SEMA3E: variants seen among roughly 807,000 people sequenced by gnomAD.
SEMA3E encodes the protein semaphorin-3E.
In SEMA3E, 49 loss-of-function variants were observed where a neutral mutation model predicts 93.6. The observed-to-expected ratio is 0.52, with a 90% CI of 0.42 to 0.66. The LOEUF is 0.66. Among genes scored for constraint, SEMA3E ranks in the 30% least tolerant of loss-of-function variants. The pLI is 0.00. For synonymous variants in SEMA3E, 363 were observed against 330.7 expected, an observed-to-expected ratio of 1.10 and a Z score of -1.06; for missense variants, 906 against 964.8, an observed-to-expected ratio of 0.94 and a Z score of 0.81.
intron 1 of SEMA3E, among the ~76,000 whole-genome samples, chr7:83,608,518 T>C (rs529323940): frequency 6.6e-6 from 1 of 152,266 alleles, no homozygotes; most frequent in African/African-American, 2.4e-5. Flanking sequence ...ATAGTACATA[T>C]ATAATTCTGA....
chr7:83,505,033 G>T (rs999670670), intron 1 of SEMA3E, among the ~76,000 whole-genome samples: 2 of 152,074 alleles, frequency 1.3e-5, no homozygotes, highest in Non-Finnish European at 2.9e-5. Context: ...AAAAGAAGTT[G>T]TATAAATTAT....
chr7:83,522,027 A>C (rs961795883), intron 1 of SEMA3E, among the ~76,000 whole-genome samples: 1 of 152,158 alleles, frequency 6.6e-6, no homozygotes, highest in East Asian at 1.9e-4. Context: ...GATTAGCTCT[A>C]TATCTATTAT....
chr7:83,386,924 T>C (rs1787893740), intron 15 of SEMA3E, 59 bp downstream of exon 15: 1 of 1,423,562 alleles, frequency 7.0e-7, no homozygotes, highest in Admixed American at 1.7e-5. Context: ...AAGAAGTTTG[T>C]AGTTTATGTT....
intron 4 of SEMA3E, among the ~76,000 whole-genome samples, chr7:83,451,857 G>T (rs1273604874): frequency 2.6e-5 from 4 of 152,126 alleles, no homozygotes; most frequent in African/African-American, 9.7e-5. Flanking sequence ...AGCTGAATTG[G>T]GCGTATTGCT....
rs1788324957 is a variant in SEMA3E, at chr7:83,406,127, T to C, written c.814-68A>G. The C allele has an allele frequency of 2.7e-6, 3 of 1,126,330 alleles. No individual in the cohort carries two copies. The South Asian group carries it at 3.7e-5, about 14-fold the overall frequency. 69.8% of individuals were successfully genotyped at this position (1,126,330 alleles called of 1,614,324 possible). The stretch of plus-strand genomic sequence containing the variant: ...TCGACCAACCACAGATTTCATATTA[T>C]TAAACATGCAGTTGCCAAGAGTTAT... On this transcript the variant is annotated intron_variant, in intron 7 of 16. Coordinates refer to ENST00000643230, the MANE Select transcript of SEMA3E (RefSeq NM_012431.3).
At chr7:83,447,925 C>T (rs1220778534) in intron 4 of SEMA3E, among the ~76,000 whole-genome samples, 1 of 152,196 alleles carries the variant, frequency 6.6e-6, no homozygotes, top group Non-Finnish European at 1.5e-5. Context: ...CTACTGAACT[C>T]ATCCACTTTT....
chr7:83,418,020 A>G (rs923714013), intron 5 of SEMA3E, among the ~76,000 whole-genome samples: 2 of 152,200 alleles, frequency 1.3e-5, no homozygotes, highest in Non-Finnish European at 2.9e-5. Context: ...CTCTAAAGTC[A>G]CAAAATAATT....
chr7:83,599,984 T>G (rs1369667389), intron 1 of SEMA3E, among the ~76,000 whole-genome samples: 1 of 152,236 alleles, frequency 6.6e-6, no homozygotes, highest in Non-Finnish European at 1.5e-5. Flanking sequence ...TGTAAAATAC[T>G]TAATTTTGAG....
rs73389182 is a variant in SEMA3E at position 83,399,987 on chromosome 7, G to A, written c.1366+41C>T. On this transcript the variant is annotated intron_variant, in intron 11 of 16. Transcript: ENST00000643230. ...TATTATTAAAATTATTGAATTTAAG[G>A]GTCAATTTAAATATCTCTGAGTACT... 15,139 of 1,399,352 alleles carry A rather than the reference G, an allele frequency of 0.011. 1,272 individuals carry two copies. The African/African-American group carries it at 0.19, about 17-fold the overall frequency. The allele number at this position is 1,399,352 out of a possible 1,614,324, so 86.7% of individuals were successfully genotyped here.
At chr7:83,444,504 A>C (rs945130203) in intron 4 of SEMA3E, among the ~76,000 whole-genome samples, 4 of 152,182 alleles carry the variant, frequency 2.6e-5, no homozygotes, top group Non-Finnish European at 5.9e-5. Flanking sequence ...TTTCTAGATA[A>C]AGACCAATTA....
chr7:83,529,376 T>C (rs1338804165), intron 1 of SEMA3E, among the ~76,000 whole-genome samples: 1 of 152,142 alleles, frequency 6.6e-6, no homozygotes, highest in East Asian at 1.9e-4. Context: ...GAGGAGTTAA[T>C]AGCTGTTTCT....
intron 1 of SEMA3E, among the ~76,000 whole-genome samples, chr7:83,583,482 T>C (rs1275767150): frequency 6.6e-6 from 1 of 152,162 alleles, no homozygotes; most frequent in Non-Finnish European, 1.5e-5. Context: ...GCTGGGGGCA[T>C]TCTCCTGTAG....
intron 1 of SEMA3E, among the ~76,000 whole-genome samples, chr7:83,538,204 T>C (rs907914170): frequency 6.6e-6 from 1 of 152,184 alleles, no homozygotes; most frequent in Non-Finnish European, 1.5e-5. Context: ...TTCATTTCTC[T>C]TGGGTATATA....
At chr7:83,567,064 A>T (rs1792177135) in intron 1 of SEMA3E, among the ~76,000 whole-genome samples, 1 of 152,174 alleles carries the variant, frequency 6.6e-6, no homozygotes, top group Non-Finnish European at 1.5e-5. Context: ...AAAAGGATAG[A>T]AACAGAAATT....
At chr7:83,404,030 C>G (rs1268643032) in intron 9 of SEMA3E, among the ~76,000 whole-genome samples, 1 of 151,774 alleles carries the variant, frequency 6.6e-6, no homozygotes. Context: ...TCATATTAAC[C>G]CATAGAAAAA....
At chr7:83,456,050 C>A (rs1789470955) in intron 4 of SEMA3E, among the ~76,000 whole-genome samples, 1 of 152,156 alleles carries the variant, frequency 6.6e-6, no homozygotes, top group Non-Finnish European at 1.5e-5. Context: ...TTTTAATCAG[C>A]TACATTTTTG....
intron 16 of SEMA3E, among the ~76,000 whole-genome samples, chr7:83,378,359 T>C (rs1272954746): frequency 1.3e-5 from 2 of 151,974 alleles, no homozygotes; most frequent in Non-Finnish European, 2.9e-5. Context: ...TTTATTTTGC[T>C]TCATCAACTA....
intron 1 of SEMA3E, among the ~76,000 whole-genome samples, chr7:83,570,770 A>T (rs552226803): frequency 6.6e-6 from 1 of 151,458 alleles, no homozygotes; most frequent in East Asian, 1.9e-4. Context: ...GTTCTTTGAA[A>T]GAATTAACAA....
intron 1 of SEMA3E, among the ~76,000 whole-genome samples, chr7:83,574,716 GA>G (rs1792364912): frequency 6.6e-6 from 1 of 152,166 alleles, no homozygotes; most frequent in African/African-American, 2.4e-5. Flanking sequence ...GTGCTAATCT[GA>G]GGGAGAATGA....
Sources: gnomAD v4.1 joint callset for allele counts (sites outside exome capture counted in the v4.1 genomes callset) on GRCh38, gnomAD v4.1.1 for gene constraint, MANE v1.5 for transcripts, NCBI Gene and HGNC (gene_info 2026-07-23, HGNC 2026-07-21) for gene names.